Variants in SMC6 observed in about 807,000 individuals in gnomAD.
The protein encoded by SMC6 is structural maintenance of chromosomes 6, also known as structural maintenance of chromosomes protein 6.
SMC6 carries 79 observed loss-of-function variants against 142.2 expected under a neutral mutation model. That is an observed-to-expected ratio of 0.56 (90% CI 0.46 to 0.67). The LOEUF (loss-of-function observed/expected upper bound fraction) is 0.67. Ranked by LOEUF, SMC6 falls within the 30% of genes least tolerant of loss-of-function variation. The pLI is 0.00. For missense variants in SMC6, 1,072 were observed against 1,284.0 expected (o/e 0.83, Z 2.52); for synonymous variants, 411 against 412.4 (o/e 1.00, Z 0.04).
intron 25 of SMC6, among the ~76,000 whole-genome samples, chr2:17,673,670 A>G (rs1488343452): frequency 6.6e-6 from 1 of 151,594 alleles, no homozygotes; most frequent in Non-Finnish European, 1.5e-5. Context: ...CCCGGGTTTA[A>G]GCGATTCTCC....
intron 4 of SMC6, among the ~76,000 whole-genome samples, chr2:17,739,821 AACACACACACACACACACACACAG>A (rs1444547999): frequency 2.7e-5 from 3 of 111,484 alleles, no homozygotes; most frequent in South Asian, 2.7e-4. Flanking sequence ...TTTCTCTTTA[AACACACACACACACACACACACAG>A]ACACACACAC....
chr2:17,692,726 GC>G (rs1667790304), intron 23 of SMC6, among the ~76,000 whole-genome samples: 1 of 152,154 alleles, frequency 6.6e-6, no homozygotes, highest in African/African-American at 2.4e-5. Context: ...AAACTAAAGA[GC>G]TTCTGCACAG....
intron 9 of SMC6, among the ~76,000 whole-genome samples, chr2:17,723,925 G>C (rs2125023025): frequency 6.6e-6 from 1 of 152,194 alleles, no homozygotes; most frequent in Middle Eastern, 3.4e-3. Context: ...CCAATTAAGA[G>C]AAAAGTTCTT....
intron 25 of SMC6, among the ~76,000 whole-genome samples, chr2:17,672,738 C>T (rs1666821143): frequency 6.6e-6 from 1 of 152,142 alleles, no homozygotes; most frequent in Non-Finnish European, 1.5e-5. Flanking sequence ...CTCTCACTCG[C>T]CATTGTCAGA....
intron 5 of SMC6, among the ~76,000 whole-genome samples, chr2:17,733,521 T>A (rs1268730309): frequency 1.3e-5 from 2 of 152,224 alleles, no homozygotes; most frequent in Non-Finnish European, 2.9e-5. Context: ...ATATCTACAT[T>A]AAGGAAAATT....
chr2:17,725,476 A>G, intron 8 of SMC6, 118 bp from the exon 9 acceptor site: 1 of 610,100 alleles, frequency 1.6e-6, no homozygotes, highest in Non-Finnish European at 2.7e-6. Flanking sequence ...GTAAAAAGAC[A>G]TTAAAAACGT....
chr2:17,742,543 A>T (rs1356608580), intron 3 of SMC6, among the ~76,000 whole-genome samples: 3 of 152,188 alleles, frequency 2.0e-5, no homozygotes, highest in Non-Finnish European at 4.4e-5. Flanking sequence ...TCTAAGTACC[A>T]GAACAAATCA....
chr2:17,745,445 G>C (rs1487179478), intron 3 of SMC6, among the ~76,000 whole-genome samples: 1 of 152,094 alleles, frequency 6.6e-6, no homozygotes, highest in Non-Finnish European at 1.5e-5. Flanking sequence ...TTGAGGATTG[G>C]TCCACTTCAC....
chr2:17,751,232 G>A (rs1413755100), intron 2 of SMC6, among the ~76,000 whole-genome samples: 1 of 151,938 alleles, frequency 6.6e-6, no homozygotes, highest in African/African-American at 2.4e-5. Flanking sequence ...TGTCATCCCA[G>A]CACTTTGGGA....
At position 17,731,731 on chromosome 2, in the gene SMC6, C is replaced by A; in HGVS notation, c.481+10G>T. 1 of 1,604,572 alleles carries A rather than the reference C, an allele frequency of 6.2e-7. No individual in the cohort carries two copies. The highest frequency in any genetic ancestry group is 1.1e-5 in the South Asian group (1 of 89,320). On this transcript the variant is annotated intron_variant, in intron 6 of 27. Coordinates refer to ENST00000448223, the MANE Select transcript of SMC6 (RefSeq NM_001142286.2). ...ATTTTATAAGAAATGAAAAGAGAAT[C>A]AAAACAAACCTGTTGCACTTTTAAG... is the stretch of plus-strand genomic sequence containing the variant.
intron 9 of SMC6, 55 bp from the exon 10 acceptor site, chr2:17,721,316 T>A: frequency 6.7e-7 from 1 of 1,483,416 alleles, no homozygotes; most frequent in South Asian, 1.5e-5. Context: ...AAAAAACACA[T>A]TTTTGCAAAT....
intron 17 of SMC6, among the ~76,000 whole-genome samples, chr2:17,707,934 A>C (rs916782415): frequency 6.6e-6 from 1 of 151,886 alleles, no homozygotes; most frequent in African/African-American, 2.4e-5. Flanking sequence ...TTCAAGTACC[A>C]TTCTAAAATA....
intron 2 of SMC6, among the ~76,000 whole-genome samples, chr2:17,748,333 T>C (rs1439120127): frequency 6.6e-6 from 1 of 152,226 alleles, no homozygotes; most frequent in African/African-American, 2.4e-5. Context: ...ATGTAAACCA[T>C]GGAAAATAAC....
At chr2:17,716,678 A>C in intron 14 of SMC6, 63 bp downstream of exon 14, 1 of 1,498,056 alleles carries the variant, frequency 6.7e-7, no homozygotes, top group East Asian at 2.3e-5. Flanking sequence ...TCTTCATACA[A>C]GAACAAAACT....
intron 20 of SMC6, among the ~76,000 whole-genome samples, chr2:17,701,382 C>T (rs6761322): frequency 0.78 from 117,581 of 151,474 alleles, 47,289 homozygotes; most frequent in Middle Eastern, 0.92. Context: ...GTAAAAAATG[C>T]GTTGATTTAA....
chr2:17,694,449 G>C (rs574342295), intron 23 of SMC6, among the ~76,000 whole-genome samples: 1 of 152,274 alleles, frequency 6.6e-6, no homozygotes, highest in African/African-American at 2.4e-5. Context: ...CCCCACTGGA[G>C]TATGTAATAA....
chr2:17,675,784 G>GT lies in SMC6; in HGVS notation c.2910+3074dup, dbSNP rs539178227. The stretch of plus-strand genomic sequence containing the variant: ...CTCTTGCTACTTACAAAAAGGTAAG[G>GT]TTACCTCTTTGTTTTTGGTTTTCAG... On this transcript the variant is annotated intron_variant, in intron 25 of 27. Transcript: ENST00000448223. Among the ~76,000 whole-genome samples, 10 of 152,100 alleles carry GT rather than the reference G, an allele frequency of 6.6e-5. No homozygotes were observed. In the South Asian group the frequency reaches 2.1e-3, roughly 32 times the overall value.
intron 5 of SMC6, among the ~76,000 whole-genome samples, chr2:17,735,323 G>A (rs1283379697): frequency 1.3e-5 from 2 of 151,976 alleles, no homozygotes; most frequent in Non-Finnish European, 2.9e-5. Context: ...TAAGAATTTG[G>A]CTTCTTTCTC....
chr2:17,732,243 G>GT (rs1408076332), intron 5 of SMC6, among the ~76,000 whole-genome samples: 1 of 152,156 alleles, frequency 6.6e-6, no homozygotes, highest in Admixed American at 6.5e-5. Context: ...CCTGACTACT[G>GT]TAAGTTATAT....
Sources: allele counts gnomAD v4.1 joint callset (sites outside exome capture counted in the v4.1 genomes callset), GRCh38; gene constraint gnomAD v4.1.1; transcripts MANE v1.5; gene names NCBI Gene and HGNC (gene_info 2026-07-23, HGNC 2026-07-21).